The following ZNF475 variants were observed in gnomAD, a reference collection of about 807,000 sequenced individuals.
ZNF475 encodes the protein zinc finger protein 475.
chr5:122,164,703 CA>C, the ZNF475 span, among the ~76,000 whole-genome samples: 1 of 152,088 alleles, frequency 6.6e-6, no homozygotes, highest in Non-Finnish European at 1.5e-5. Context: ...TTTTAAGGAC[CA>C]AAAGTCCAGG....
At chr5:122,181,938 A>G in the ZNF475 span, among the ~76,000 whole-genome samples, 1 of 152,198 alleles carries the variant, frequency 6.6e-6, no homozygotes, top group Non-Finnish European at 1.5e-5. Flanking sequence ...TACTTAAAGA[A>G]TATCTGAGTT....
At chr5:122,180,726 A>G in the ZNF475 span, among the ~76,000 whole-genome samples, 1 of 152,204 alleles carries the variant, frequency 6.6e-6, no homozygotes, top group Non-Finnish European at 1.5e-5. Context: ...CAATTAGTCC[A>G]AAGCACTTGT....
the ZNF475 span, among the ~76,000 whole-genome samples, chr5:122,182,276 T>G: frequency 6.6e-6 from 1 of 152,218 alleles, no homozygotes; most frequent in African/African-American, 2.4e-5. Context: ...ATTCAACACT[T>G]GAAAGAGCGA....
At chr5:122,164,021 ACT>A in the ZNF475 span, among the ~76,000 whole-genome samples, 1 of 151,792 alleles carries the variant, frequency 6.6e-6, no homozygotes, top group South Asian at 2.1e-4. Context: ...TCAGTCAATG[ACT>A]CAGTCTTTCG....
chr5:122,161,900 A>C, the ZNF475 span, among the ~76,000 whole-genome samples: 1 of 152,112 alleles, frequency 6.6e-6, no homozygotes, highest in African/African-American at 2.4e-5. Context: ...TCAATACCTC[A>C]AACCCTTCAC....
At chr5:122,182,562 T>C in the ZNF475 span, 5 of 1,535,674 alleles carry the variant, frequency 3.3e-6, no homozygotes, top group African/African-American at 6.8e-5. Flanking sequence ...GTTGGTTCCC[T>C]GTAATGTTTG....
the ZNF475 span, chr5:122,162,337 C>T: frequency 7.2e-5 from 11 of 152,282 alleles, no homozygotes; most frequent in South Asian, 2.1e-4. Context: ...TTTCCAAAAA[C>T]AATTTAATTT....
At chr5:122,173,579 C>G in the ZNF475 span, among the ~76,000 whole-genome samples, 3 of 152,120 alleles carry the variant, frequency 2.0e-5, no homozygotes, top group African/African-American at 7.2e-5. Context: ...ATGAAGTGTT[C>G]CTGACAGAGA....
chr5:122,160,218 T>C, the ZNF475 span: 1 of 1,289,832 alleles, frequency 7.8e-7, no homozygotes, highest in Non-Finnish European at 1.0e-6. Flanking sequence ...CAGGGCAGCA[T>C]TCTATGATCC....
At chr5:122,179,862 C>T in the ZNF475 span, 3 of 619,886 alleles carry the variant, frequency 4.8e-6, no homozygotes, top group South Asian at 3.1e-5. Context: ...TGGTTACAGA[C>T]AAATAAGAAA....
the ZNF475 span, chr5:122,163,244 A>G: frequency 6.6e-5 from 10 of 152,354 alleles, no homozygotes; most frequent in East Asian, 1.9e-3. Context: ...CCTGGTTTAT[A>G]AAATAGGGGC....
At chr5:122,176,763 T>C in the ZNF475 span, among the ~76,000 whole-genome samples, 185 of 152,334 alleles carry the variant, frequency 1.2e-3, 1 homozygote, top group African/African-American at 4.4e-3. Context: ...CTTGGTACTA[T>C]TGATCTATGT....
the ZNF475 span, among the ~76,000 whole-genome samples, chr5:122,170,712 C>T: frequency 6.6e-6 from 1 of 152,172 alleles, no homozygotes; most frequent in African/African-American, 2.4e-5. Flanking sequence ...CAATCCCCAG[C>T]CCCTCTTCCC....
At chr5:122,167,556 G>A in the ZNF475 span, among the ~76,000 whole-genome samples, 2 of 152,124 alleles carry the variant, frequency 1.3e-5, no homozygotes, top group African/African-American at 4.8e-5. Context: ...CTTTTACAAC[G>A]TGTACTGCTG....
chr5:122,174,250 T>A, the ZNF475 span, among the ~76,000 whole-genome samples: 2 of 152,170 alleles, frequency 1.3e-5, no homozygotes, highest in East Asian at 1.9e-4. Flanking sequence ...TAGGAAAACC[T>A]TGGACTGGAG....
chr5:122,180,260 G>A, the ZNF475 span, among the ~76,000 whole-genome samples: 4 of 152,324 alleles, frequency 2.6e-5, no homozygotes, highest in East Asian at 7.7e-4. Context: ...ATGATGCGCT[G>A]TGGAGCATCA....
chr5:122,161,067 A>G, the ZNF475 span, among the ~76,000 whole-genome samples: 3 of 152,298 alleles, frequency 2.0e-5, no homozygotes, highest in African/African-American at 4.8e-5. Flanking sequence ...AGCCTTATGG[A>G]TAGGTGGGGA....
the ZNF475 span, among the ~76,000 whole-genome samples, chr5:122,171,562 A>G: frequency 6.6e-6 from 1 of 152,234 alleles, no homozygotes; most frequent in African/African-American, 2.4e-5. Context: ...AAAAGGACCC[A>G]CTAAAGTTAA....
chr5:122,176,011 T>G, the ZNF475 span, among the ~76,000 whole-genome samples: 2 of 152,194 alleles, frequency 1.3e-5, no homozygotes, highest in Non-Finnish European at 2.9e-5. Context: ...CAAAAGTCAC[T>G]GGTATGGAAT....
Sources: allele counts gnomAD v4.1 joint callset (sites outside exome capture counted in the v4.1 genomes callset), GRCh38; gene constraint gnomAD v4.1.1; transcripts MANE v1.5; gene names NCBI Gene and HGNC (gene_info 2026-07-23, HGNC 2026-07-21).